The following SLC38A10 variants were observed in gnomAD, a reference collection of about 807,000 sequenced individuals.
SLC38A10 encodes the protein solute carrier family 38 member 10.
SLC38A10 carries 53 observed loss-of-function variants against 81.0 expected under a neutral mutation model. The observed-to-expected ratio is 0.65, with a 90% CI of 0.53 to 0.82. The LOEUF (loss-of-function observed/expected upper bound fraction) is 0.82, where lower values mean the gene tolerates loss of function less well. Among genes scored for constraint, SLC38A10 ranks in the 40% least tolerant of loss-of-function variants. SLC38A10 has a pLI of 0.00. For missense variants in SLC38A10, 1,471 were observed against 1,545.0 expected (o/e 0.95, Z 0.80); for synonymous variants, 665 against 655.3 (o/e 1.01, Z -0.23).
rs144447347 is a variant in SLC38A10, at chr17:81,245,581, G to A, written c.3335C>T (p.Ala1112Val). 20 of 1,609,740 alleles carry A rather than the reference G, an allele frequency of 1.2e-5. No individual in the cohort carries two copies. The highest frequency in any genetic ancestry group is 1.1e-4 in the East Asian group (5 of 44,812). ...QVVHSRQLRQAPGPPEES is the reference protein window; with the variant it reads ...QVVHSRQLRQVPGPPEES Reference sequence around the variant, plus strand: ...CTAGGACTCCTCTGGAGGCCCAGGCGCCTGTCTAAGCTGCCGGCTGTGGAC... The same window carrying A: ...CTAGGACTCCTCTGGAGGCCCAGGCACCTGTCTAAGCTGCCGGCTGTGGAC... Residue 1112 changes from alanine to valine, a missense_variant, in exon 16 of 16, where the codon GCG (alanine) becomes GTG (valine). Ala to Val is a moderately conservative substitution (Grantham distance 64). Transcript: ENST00000374759.
At chr17:81,261,325 G>T (rs1053551737) in intron 10 of SLC38A10, among the ~76,000 whole-genome samples, 2 of 152,232 alleles carry the variant, frequency 1.3e-5, no homozygotes, top group Non-Finnish European at 1.5e-5. Context: ...AGCGGGTGCT[G>T]GTTTCTGCCT....
rs1310683946 is a variant in SLC38A10 at position 81,270,646 on chromosome 17, T to C, written c.1131+272A>G. ...GCAATCAGGCATCGCAGAAACACCATGGGGAAAGCGCTTACGACTCAGCTA... is the reference window on the plus strand; with the variant it reads ...GCAATCAGGCATCGCAGAAACACCACGGGGAAAGCGCTTACGACTCAGCTA... On this transcript the variant is annotated intron_variant, in intron 10 of 15. Coordinates refer to ENST00000374759, the MANE Select transcript of SLC38A10 (RefSeq NM_001037984.3). The surrounding 1 kb of genome is among the most constrained non-coding windows in gnomAD (Gnocchi z 4.0). 1.3e-5 allele frequency among the ~76,000 whole-genome samples: 2 copies of C among 152,020 alleles called. No individual in the cohort carries two copies. Among genetic ancestry groups the C allele is most frequent in the East Asian group, 3.9e-4 (2 of 5,184 alleles).
In SLC38A10 at chr17:81,294,901, G is replaced by A. The variant is rs2063336679; in HGVS notation, c.21C>T (p.Ser7=). The A allele has an allele frequency of 1.4e-5, 23 of 1,592,738 alleles. No homozygotes were observed. The highest frequency in any genetic ancestry group is 1.7e-5 in the Non-Finnish European group (20 of 1,171,118). Residue 7 remains serine (S), a synonymous_variant, in exon 1 of 16, where the codon TCC becomes TCT. Coordinates refer to ENST00000374759, the MANE Select transcript of SLC38A10 (RefSeq NM_001037984.3). ...CGATGTTCGTGATCAGCCCCCAGTT[G>A]GAGGCGGCGGCCGCGGTCATAGTGA... MTAAAA[S]NWGLITNIVN...
At chr17:81,267,678 T>C (rs780832495) in intron 10 of SLC38A10, among the ~76,000 whole-genome samples, 2 of 152,066 alleles carry the variant, frequency 1.3e-5, no homozygotes, top group Non-Finnish European at 2.9e-5. Context: ...AGCTATGGCA[T>C]AATAGCTGGT....
rs541567082 is a variant in SLC38A10, at chr17:81,253,917, C to T, written c.1289-677G>A. On this transcript the variant is annotated intron_variant, in intron 11 of 15. Transcript: ENST00000374759. This position sits in a 1 kb window ranked among gnomAD's most constrained non-coding sequence, Gnocchi z 4.1. ...CTACCATCACCACCATCACTGCCAA[C>T]CCTACCATCATTGCCATCACCTCCA... Among the ~76,000 whole-genome samples the T allele has an allele frequency of 5.9e-5, 9 of 152,012 alleles. No homozygotes were observed. The highest frequency in any genetic ancestry group is 5.2e-4 in the Admixed American group (8 of 15,258).
At chr17:81,252,158 G>A in intron 13 of SLC38A10, 37 bp downstream of exon 13, 2 of 1,491,270 alleles carry the variant, frequency 1.3e-6, no homozygotes, top group Non-Finnish European at 1.8e-6. Flanking sequence ...GCCCAAGAGG[G>A]GAGTGTCTTC....
At chr17:81,251,910 GCCCCC>G (rs1356905560) in intron 13 of SLC38A10, 1 of 514,164 alleles carries the variant, frequency 1.9e-6, no homozygotes, top group Non-Finnish European at 3.2e-6. Flanking sequence ...CCTGTCAGGC[GCCCCC>G]CGCGCCGCCC....
At chr17:81,278,728 AC>A (rs1292873018) in intron 6 of SLC38A10, among the ~76,000 whole-genome samples, 5 of 152,192 alleles carry the variant, frequency 3.3e-5, no homozygotes, top group African/African-American at 1.2e-4. Context: ...AGCTGAGTCC[AC>A]ACCAGGGAGT....
In SLC38A10 at chr17:81,283,756, C is replaced by T. The variant is rs527364188; in HGVS notation, c.264-254G>A. Among the ~76,000 whole-genome samples, 8 of 151,764 alleles carry T rather than the reference C, an allele frequency of 5.3e-5. No individual in the cohort carries two copies. In the East Asian group the frequency reaches 9.8e-4, roughly 19 times the overall value. ...AGCCTCCCGAGTAGCTGGGAGTAGCCGAGTAGCCACGCCCGGCTAATTGTT... is the reference window on the plus strand; with the variant it reads ...AGCCTCCCGAGTAGCTGGGAGTAGCTGAGTAGCCACGCCCGGCTAATTGTT... On this transcript the variant is annotated intron_variant, in intron 3 of 15. Transcript: ENST00000374759. The surrounding 1 kb of genome is among the most constrained non-coding windows in gnomAD (Gnocchi z 4.7).
chr17:81,252,640 A>G lies in SLC38A10; in HGVS notation c.1500T>C (p.Pro500=), dbSNP rs1447432878. 6.2e-7 allele frequency: 1 copy of G among 1,611,592 alleles called. No individual in the cohort carries two copies. The highest frequency in any genetic ancestry group is 1.7e-5 in the Admixed American group (1 of 59,926). The change falls in exon 13 of 16, where the codon CCT becomes CCC. Residue 500 remains proline (P), a synonymous_variant. Transcript: ENST00000374759. ...PVGEAHRHEP[P]VPHDKVVVDE... is the part of the protein sequence containing the mutation. ...CTACCACCACCTTGTCGTGAGGAAC[A>G]GGAGGCTCGTGGCGGTGGGCCTCGC...
At chr17:81,280,293 C>T (rs1402849406) in intron 6 of SLC38A10, 2 of 480,552 alleles carry the variant, frequency 4.2e-6, no homozygotes, top group East Asian at 4.3e-5. Context: ...GCGAAGCGCT[C>T]GACTCTGTGC....
chr17:81,247,176 C>T (rs534569714), intron 14 of SLC38A10, 115 bp from the exon 15 acceptor site: 49 of 1,067,774 alleles, frequency 4.6e-5, no homozygotes, highest in African/African-American at 1.1e-4. Flanking sequence ...GGAGTGTGCC[C>T]GAACACTGGC....
At chr17:81,267,963 CGCTCCAGCAG>C (rs1433114311) in intron 10 of SLC38A10, among the ~76,000 whole-genome samples, 1 of 151,514 alleles carries the variant, frequency 6.6e-6, no homozygotes, top group Non-Finnish European at 1.5e-5. Context: ...AGAATGAGGG[CGCTCCAGCAG>C]CCAGAGCTCG....
intron 14 of SLC38A10, chr17:81,251,098 G>T: frequency 6.7e-7 from 1 of 1,497,380 alleles, no homozygotes; most frequent in Non-Finnish European, 8.9e-7. Context: ...TCCACATCTG[G>T]GTGCAGGCAC....
intron 9 of SLC38A10, among the ~76,000 whole-genome samples, chr17:81,271,993 C>G (rs547209283): frequency 6.6e-6 from 1 of 151,838 alleles, no homozygotes; most frequent in East Asian, 1.9e-4. Flanking sequence ...TCCCAAACTG[C>G]GGGGATTACA....
In SLC38A10 at chr17:81,249,999, G is replaced by A. The variant is rs545581886; in HGVS notation, c.2065+1494C>T. On this transcript the variant is annotated intron_variant, in intron 14 of 15. Transcript: ENST00000374759. Reference sequence around the variant, plus strand: ...CTGTCCCTGGGGCAGGTGTGCCACCGAGGGGCTGCGCTCAGGTCTGTGGCC... The same window carrying A: ...CTGTCCCTGGGGCAGGTGTGCCACCAAGGGGCTGCGCTCAGGTCTGTGGCC... 2.7e-4 allele frequency: 340 copies of A among 1,256,796 alleles called. 3 individuals carry two copies. In the South Asian group the frequency reaches 3.8e-3, roughly 14 times the overall value. 77.9% of individuals were successfully genotyped at this position (1,256,796 alleles called of 1,614,324 possible). A position where few individuals can be genotyped will look rare whatever the true frequency, so the allele number is the denominator to read the frequency against.
Position 81,289,146 on chromosome 17 carries a change from T to A in SLC38A10, c.217+545A>T, listed in dbSNP as rs575122649. Among the ~76,000 whole-genome samples, 2 of 152,044 alleles carry A rather than the reference T, an allele frequency of 1.3e-5. No homozygotes were observed. The highest frequency in any genetic ancestry group is 2.9e-5 in the Non-Finnish European group (2 of 67,994). ...GCCTCCACCTATCGGGTTCAAGAGA[T>A]TCTCTGGCCTCAGCCTCCTGAGTAG... On this transcript the variant is annotated intron_variant, in intron 2 of 15. Transcript: ENST00000374759. The surrounding 1 kb of genome is among the most constrained non-coding windows in gnomAD (Gnocchi z 5.9).
rs1489968793 is a variant in SLC38A10 at position 81,281,608 on chromosome 17, C to G, written c.501+581G>C. ...TGGCCAAGATGGTGAAACCCCTTCT[C>G]TACTAAAAATAAAAAAAATTAGCCA... On this transcript the variant is annotated intron_variant, in intron 5 of 15. Transcript: ENST00000374759. This position sits in a 1 kb window ranked among gnomAD's most constrained non-coding sequence, Gnocchi z 5.3. Among the ~76,000 whole-genome samples the G allele has an allele frequency of 6.6e-6, 1 of 152,108 alleles. No homozygotes were observed. The highest frequency in any genetic ancestry group is 1.5e-5 in the Non-Finnish European group (1 of 68,004).
At chr17:81,293,764 T>G (rs1038462880) in intron 1 of SLC38A10, among the ~76,000 whole-genome samples, 4 of 152,252 alleles carry the variant, frequency 2.6e-5, no homozygotes, top group African/African-American at 9.6e-5. Flanking sequence ...AATCTAAAAT[T>G]AAACTACTGG....
Sources: allele counts gnomAD v4.1 joint callset (sites outside exome capture counted in the v4.1 genomes callset), GRCh38; gene constraint gnomAD v4.1.1; non-coding constraint Gnocchi (gnomAD v3.1); transcripts MANE v1.5; gene names NCBI Gene and HGNC (gene_info 2026-07-23, HGNC 2026-07-21).